The following CYTH3 variants were observed in gnomAD, a reference collection of about 807,000 sequenced individuals.
CYTH3 encodes cytohesin 3.
Under a neutral mutation model 55.1 loss-of-function variants are expected in CYTH3, and 23 were observed. The ratio of observed to expected loss-of-function variants is 0.42; its 90% CI spans 0.30 to 0.59. CYTH3 has a LOEUF of 0.59. CYTH3 is among the 20% of genes least tolerant of loss of function. The pLI is 0.20. For missense variants in CYTH3, 413 were observed against 524.8 expected (o/e 0.79, Z 2.08); for synonymous variants, 249 against 194.9 (o/e 1.28, Z -2.31).
At chr7:6,200,352 T>C (rs1027508887) in intron 1 of CYTH3, among the ~76,000 whole-genome samples, 1 of 152,222 alleles carries the variant, frequency 6.6e-6, no homozygotes, top group Non-Finnish European at 1.5e-5. Flanking sequence ...GTCCTATGAC[T>C]TCTCCTGGAG....
At chr7:6,241,988 AC>A (rs1172214170) in intron 1 of CYTH3, among the ~76,000 whole-genome samples, 12 of 152,316 alleles carry the variant, frequency 7.9e-5, no homozygotes, top group African/African-American at 2.9e-4. Context: ...AGGACAGGGG[AC>A]AGAATAGTCT....
chr7:6,177,506 A>G (rs1245098399), intron 5 of CYTH3, among the ~76,000 whole-genome samples: 1 of 152,254 alleles, frequency 6.6e-6, no homozygotes, highest in African/African-American at 2.4e-5. Flanking sequence ...GCAAAACAGA[A>G]GACGATTAAG....
intron 4 of CYTH3, among the ~76,000 whole-genome samples, chr7:6,182,775 G>A (rs946405751): frequency 5.3e-5 from 8 of 152,174 alleles, no homozygotes; most frequent in South Asian, 2.1e-4. Context: ...CTTCTAAGAC[G>A]TCAGGATTAT....
At chr7:6,179,885 ACCACACACAC>A (rs1351816918) in intron 4 of CYTH3, among the ~76,000 whole-genome samples, 5 of 118,854 alleles carry the variant, frequency 4.2e-5, no homozygotes, top group African/African-American at 7.3e-5. Context: ...CACCACACAC[ACCACACACAC>A]CCACACACAA....
chr7:6,251,118 T>C (rs1162751096), intron 1 of CYTH3, among the ~76,000 whole-genome samples: 1 of 151,986 alleles, frequency 6.6e-6, no homozygotes, highest in Non-Finnish European at 1.5e-5. Flanking sequence ...CCACTAAAAA[T>C]AGAAAAATTA....
chr7:6,190,859 T>C (rs1382208169), intron 1 of CYTH3, among the ~76,000 whole-genome samples: 2 of 151,786 alleles, frequency 1.3e-5, no homozygotes, highest in Non-Finnish European at 2.9e-5. Context: ...GGTGGATCAC[T>C]TGAGGTCAGG....
chr7:6,184,087 G>T lies in CYTH3; in HGVS notation c.249+2963C>A, dbSNP rs1783576146. On this transcript the variant is annotated intron_variant, in intron 4 of 12. Transcript: ENST00000350796. ...TTTTTTTTTTTTTTTTTGAGATAGAGTCTCGCTCTGTCGCCCAGGCTGGAG... is the reference window on the plus strand; with the variant it reads ...TTTTTTTTTTTTTTTTTGAGATAGATTCTCGCTCTGTCGCCCAGGCTGGAG... Among the ~76,000 whole-genome samples the T allele has an allele frequency of 4.1e-5, 4 of 98,216 alleles. No individual in the cohort carries two copies. In the South Asian group the frequency reaches 1.4e-3, roughly 35 times the overall value. 64.4% of individuals were successfully genotyped at this position (98,216 alleles called of 152,430 possible).
chr7:6,210,844 A>T (rs1235666360), intron 1 of CYTH3, among the ~76,000 whole-genome samples: 1 of 152,196 alleles, frequency 6.6e-6, no homozygotes, highest in South Asian at 2.1e-4. Flanking sequence ...GCCTTCACTG[A>T]TAAGAGTTGT....
At chr7:6,204,075 A>C (rs1784127800) in intron 1 of CYTH3, among the ~76,000 whole-genome samples, 1 of 152,036 alleles carries the variant, frequency 6.6e-6, no homozygotes, top group Non-Finnish European at 1.5e-5. Context: ...ACCAATATTA[A>C]GTTGAAAAAA....
intron 1 of CYTH3, among the ~76,000 whole-genome samples, chr7:6,252,706 G>C (rs1393545664): frequency 6.6e-6 from 1 of 152,142 alleles, no homozygotes; most frequent in Non-Finnish European, 1.5e-5. Flanking sequence ...GTTGAGGGAG[G>C]GAAGAAGAAA....
chr7:6,212,013 A>T (rs1245763801), intron 1 of CYTH3, among the ~76,000 whole-genome samples: 2 of 152,126 alleles, frequency 1.3e-5, no homozygotes, highest in Non-Finnish European at 2.9e-5. Flanking sequence ...TAAATAAAAA[A>T]TACTAGGGTC....
chr7:6,164,749 T>C lies in CYTH3; in HGVS notation c.*195A>G, dbSNP rs1374385385. ...TACGCTCTGGAGCAGCAGCTTGCAC[T>C]GCAGGGCGACCACCTCCCAGGACCC... On this transcript the variant is annotated 3_prime_UTR_variant, in exon 13 of 13. Coordinates refer to ENST00000350796, the MANE Select transcript of CYTH3 (RefSeq NM_004227.4). The C allele has an allele frequency of 4.4e-6, 3 of 677,074 alleles. No homozygotes were observed. Among genetic ancestry groups the C allele is most frequent in the East Asian group, 2.5e-5 (1 of 39,846 alleles). The allele number at this position is 677,074 out of a possible 1,614,324, so 41.9% of individuals were successfully genotyped here.
At chr7:6,268,514 T>C (rs993431707) in intron 1 of CYTH3, among the ~76,000 whole-genome samples, 1 of 152,218 alleles carries the variant, frequency 6.6e-6, no homozygotes, top group East Asian at 1.9e-4. Flanking sequence ...CCATGTCAAC[T>C]AAGAAAAGAG....
In CYTH3 at chr7:6,226,591, G is replaced by A. The variant is rs549317890; in HGVS notation, c.35-36060C>T. On this transcript the variant is annotated intron_variant, in intron 1 of 12. Transcript: ENST00000350796. ...CCAGCCACTCCATGGCTAATGCCCT[G>A]ATTAACTTTTTAGTTAAGTTACTTC... is the stretch of plus-strand genomic sequence containing the variant. Among the ~76,000 whole-genome samples, 43 of 152,258 alleles carry A rather than the reference G, an allele frequency of 2.8e-4. 1 individual carries two copies. The highest frequency in any genetic ancestry group is 1.0e-3 in the African/African-American group (43 of 41,546).
chr7:6,268,323 A>G (rs1453608415), intron 1 of CYTH3, among the ~76,000 whole-genome samples: 2 of 151,268 alleles, frequency 1.3e-5, no homozygotes, highest in Admixed American at 1.3e-4. Flanking sequence ...ACGCACCACC[A>G]CTCCCGGCTA....
intron 1 of CYTH3, among the ~76,000 whole-genome samples, chr7:6,271,550 C>T (rs1246181734): frequency 1.3e-5 from 2 of 152,138 alleles, no homozygotes. Flanking sequence ...GGCATTAACC[C>T]TTTGCTTTCC....
chr7:6,169,403 G>A lies in CYTH3; in HGVS notation c.823+1132C>T, dbSNP rs996706445. 2.0e-5 allele frequency among the ~76,000 whole-genome samples: 3 copies of A among 152,110 alleles called. No homozygotes were observed. The highest frequency in any genetic ancestry group is 7.2e-5 in the African/African-American group (3 of 41,498). On this transcript the variant is annotated intron_variant, in intron 9 of 12. Transcript: ENST00000350796. This position sits in a 1 kb window ranked among gnomAD's most constrained non-coding sequence, Gnocchi z 4.1. ...GCCAGGCTAATTTTTTGTAAAGATG[G>A]GGTTTCACTATATTGCCCAGGTGGT... is the stretch of plus-strand genomic sequence containing the variant.
At chr7:6,206,790 A>G (rs562626202) in intron 1 of CYTH3, among the ~76,000 whole-genome samples, 1 of 152,180 alleles carries the variant, frequency 6.6e-6, no homozygotes, top group Admixed American at 6.5e-5. Context: ...AGGTACAAAC[A>G]TGAGTCAGGT....
At chr7:6,234,851 T>G (rs1779477153) in intron 1 of CYTH3, among the ~76,000 whole-genome samples, 1 of 152,180 alleles carries the variant, frequency 6.6e-6, no homozygotes. Context: ...TAAGAGAGCT[T>G]GAGTAATTTG....
Sources: gnomAD v4.1 joint callset for allele counts (sites outside exome capture counted in the v4.1 genomes callset) on GRCh38, gnomAD v4.1.1 for gene constraint, Gnocchi (gnomAD v3.1) non-coding constraint, MANE v1.5 for transcripts, NCBI Gene and HGNC (gene_info 2026-07-23, HGNC 2026-07-21) for gene names.